Variants in IL18R1 observed in about 807,000 individuals in gnomAD.
IL18R1 encodes the protein interleukin-18 receptor 1.
In IL18R1, 40 loss-of-function variants were observed where a neutral mutation model predicts 48.5. The observed-to-expected ratio is 0.82, with a 90% CI of 0.64 to 1.07. IL18R1 has a LOEUF of 1.07. Ranked by LOEUF, IL18R1 falls within the 50% of genes least tolerant of loss-of-function variation. The probability of loss-of-function intolerance (pLI) is 0.00; values close to 1 mark genes in which losing one functional copy is unlikely to be tolerated. For synonymous variants in IL18R1, 232 were observed against 225.9 expected, an observed-to-expected ratio of 1.03 and a Z score of -0.24; for missense variants, 596 against 633.7, an observed-to-expected ratio of 0.94 and a Z score of 0.64.
intron 6 of IL18R1, among the ~76,000 whole-genome samples, chr2:102,383,795 C>T (rs1192651387): frequency 6.6e-6 from 1 of 152,110 alleles, no homozygotes; most frequent in Non-Finnish European, 1.5e-5. Flanking sequence ...GCATGATATA[C>T]AAATATTCAA....
rs776795173 is a variant in IL18R1, at chr2:102,367,956, G to A, written c.190G>A (p.Glu64Lys). 3 of 1,614,224 alleles carry A rather than the reference G, an allele frequency of 1.9e-6. No individual in the cohort carries two copies. The highest frequency in any genetic ancestry group is 2.2e-5 in the East Asian group (1 of 44,884). Reference protein sequence around the residue: ...KSWYKSSGSQEHVELNPRSSS... With the variant: ...KSWYKSSGSQKHVELNPRSSS... ...CTGGTACAAAAGCAGTGGATCACAG[G>A]AACATGTGGAGCTGAACCCAAGGAG... The change falls in exon 3 of 11, where the codon GAA becomes AAA. Residue 64 changes from glutamate to lysine, a missense_variant. By Grantham distance (56) the Glu-to-Lys change is moderately conservative (BLOSUM62 1). Transcript: ENST00000233957.
At chr2:102,364,829 A>T (rs1444319684) in intron 2 of IL18R1, among the ~76,000 whole-genome samples, 2 of 152,196 alleles carry the variant, frequency 1.3e-5, no homozygotes, top group East Asian at 3.8e-4. Flanking sequence ...ATCCTTCTTC[A>T]CATGGTGGCA....
intron 3 of IL18R1, among the ~76,000 whole-genome samples, chr2:102,369,735 A>G (rs1231994134): frequency 6.6e-6 from 1 of 152,230 alleles, no homozygotes; most frequent in African/African-American, 2.4e-5. Flanking sequence ...TCTATCAGTG[A>G]ACAGACTTTA....
At chr2:102,376,183 T>G in intron 5 of IL18R1, 120 bp downstream of exon 5, 1 of 651,108 alleles carries the variant, frequency 1.5e-6, no homozygotes, top group Non-Finnish European at 2.4e-6. Context: ...ACCACACCAC[T>G]AGTTCAAATA....
In IL18R1 at chr2:102,397,555, T is replaced by C. The variant is rs1458533163; in HGVS notation, c.*669T>C. ...GGAACTTCTTAAAAGGACCCCAGAA[T>C]AGCTCTTTATCTTTCACAAGAGACA... On this transcript the variant is annotated 3_prime_UTR_variant, in exon 11 of 11. Transcript: ENST00000233957. The C allele has an allele frequency of 6.6e-6, 1 of 152,390 alleles. No individual in the cohort carries two copies. Among genetic ancestry groups the C allele is most frequent in the Non-Finnish European group, 1.5e-5 (1 of 68,038 alleles). 9.4% of individuals were successfully genotyped at this position (152,390 alleles called of 1,614,324 possible). A position where few individuals can be genotyped will look rare whatever the true frequency, so the allele number is the denominator to read the frequency against.
At chr2:102,360,505 C>A (rs1413921695) in intron 1 of IL18R1, among the ~76,000 whole-genome samples, 6 of 152,106 alleles carry the variant, frequency 3.9e-5, no homozygotes, top group African/African-American at 1.4e-4. Context: ...CCTCATGATC[C>A]GCCCATCTCG....
intron 1 of IL18R1, among the ~76,000 whole-genome samples, chr2:102,360,248 G>A (rs1416183454): frequency 2.0e-5 from 3 of 152,142 alleles, no homozygotes; most frequent in Non-Finnish European, 2.9e-5. Context: ...TGGAAATGCA[G>A]GATATGCAAT....
Position 102,396,885 on chromosome 2 carries a change from A to G in IL18R1, c.1625A>G (p.Ter542=), listed in dbSNP as rs777844433. Residue 542 remains the stop codon, a stop_retained_variant, in exon 11 of 11, where the codon TAA becomes TGA. Transcript: ENST00000233957. ...PEVLPVLSES[*] ...GTCTTGCCTGTTCTTTCCGAGTCTTAATCTTCAGAAACAGTGAACGCCAAA... is the reference window on the plus strand; with the variant it reads ...GTCTTGCCTGTTCTTTCCGAGTCTTGATCTTCAGAAACAGTGAACGCCAAA... 6.4e-7 allele frequency: 1 copy of G among 1,566,254 alleles called. No homozygotes were observed. Among genetic ancestry groups the G allele is most frequent in the South Asian group, 1.2e-5 (1 of 83,562 alleles).
intron 4 of IL18R1, among the ~76,000 whole-genome samples, chr2:102,375,702 A>T (rs1184679065): frequency 2.0e-5 from 3 of 152,196 alleles, no homozygotes; most frequent in African/African-American, 7.2e-5. Flanking sequence ...ATATATTAAT[A>T]ATGATAATCA....
chr2:102,360,249 G>A (rs1300549667), intron 1 of IL18R1, among the ~76,000 whole-genome samples: 1 of 152,098 alleles, frequency 6.6e-6, no homozygotes, highest in African/African-American at 2.4e-5. Context: ...GGAAATGCAG[G>A]ATATGCAATC....
chr2:102,386,702 G>A (rs1230131895), intron 7 of IL18R1, among the ~76,000 whole-genome samples, 159 bp from the exon 8 acceptor site: 1 of 152,210 alleles, frequency 6.6e-6, no homozygotes, highest in Non-Finnish European at 1.5e-5. Flanking sequence ...CACGGAGGAG[G>A]GGACGTTTAT....
At chr2:102,361,148 A>G (rs1483094770) in intron 1 of IL18R1, among the ~76,000 whole-genome samples, 1 of 152,236 alleles carries the variant, frequency 6.6e-6, no homozygotes, top group Non-Finnish European at 1.5e-5. Context: ...ATAAGGTTAC[A>G]TCAGTCTTAA....
intron 1 of IL18R1, among the ~76,000 whole-genome samples, chr2:102,356,731 G>A (rs1678272118): frequency 6.6e-6 from 1 of 152,050 alleles, no homozygotes. Flanking sequence ...ATCCTCCTAA[G>A]GGCCACATGA....
At chr2:102,371,867 T>G (rs968228471) in intron 3 of IL18R1, 86 bp from the exon 4 acceptor site, 2 of 728,064 alleles carry the variant, frequency 2.7e-6, no homozygotes, top group Admixed American at 6.8e-5. Context: ...AGGAAAAATA[T>G]TGTAACTGGT....
At chr2:102,372,141 A>T in intron 4 of IL18R1, 23 bp downstream of exon 4, 1 of 1,531,166 alleles carries the variant, frequency 6.5e-7, no homozygotes, top group Non-Finnish European at 8.8e-7. Context: ...TAATATTTTA[A>T]CTTTAAGACT....
chr2:102,358,997 A>G (rs1395930874), intron 1 of IL18R1, among the ~76,000 whole-genome samples: 1 of 152,078 alleles, frequency 6.6e-6, no homozygotes, highest in Non-Finnish European at 1.5e-5. Context: ...ATGGGAGGGT[A>G]GAGGAACATT....
Position 102,375,909 on chromosome 2 carries a change from C to G in IL18R1, c.471C>G (p.Asn157Lys). Residue 157 changes from asparagine to lysine, a missense_variant and splice_region_variant, in exon 5 of 11, where the codon AAC becomes AAG. Physicochemically the swap from Asn to Lys is moderately conservative, Grantham distance 94. Coordinates refer to ENST00000233957, the MANE Select transcript of IL18R1 (RefSeq NM_003855.5). ...TLVNSTSLYK[N>K]CKKLLLENNK... ...TTAACTTGTTTTATTAAAAACAGAA[C>G]TGTAAAAAGCTACTACTGGAGAACA... 2 of 1,561,108 alleles carry G rather than the reference C, an allele frequency of 1.3e-6. No individual in the cohort carries two copies. The highest frequency in any genetic ancestry group is 1.7e-6 in the Non-Finnish European group (2 of 1,160,658).
chr2:102,381,273 G>T (rs11465633), intron 5 of IL18R1, among the ~76,000 whole-genome samples: 36,166 of 152,136 alleles, frequency 0.24, 4,765 homozygotes, highest in East Asian at 0.41. Flanking sequence ...AGCTGAGGAG[G>T]ACAGATGGAG....
chr2:102,366,963 T>C (rs11465590), intron 2 of IL18R1, among the ~76,000 whole-genome samples: 2,286 of 152,338 alleles, frequency 0.015, 57 homozygotes, highest in African/African-American at 0.052. Context: ...GAAGGCATTC[T>C]GTCCATGTCC....
Sources: gnomAD v4.1 joint callset for allele counts (sites outside exome capture counted in the v4.1 genomes callset) on GRCh38, gnomAD v4.1.1 for gene constraint, MANE v1.5 for transcripts, NCBI Gene and HGNC (gene_info 2026-07-23, HGNC 2026-07-21) for gene names.